Variants in PPP3CA observed in about 807,000 individuals in gnomAD.
The protein encoded by PPP3CA is CAM-PRP catalytic subunit.
Under a neutral mutation model 66.5 loss-of-function variants are expected in PPP3CA, and 14 were observed. That is an observed-to-expected ratio of 0.21 (90% CI 0.14 to 0.33). PPP3CA has a LOEUF of 0.33. PPP3CA is among the 10% of genes least tolerant of loss of function. The pLI, the probability that PPP3CA is intolerant of heterozygous loss-of-function variation, is 1.00. For missense variants in PPP3CA, 317 were observed against 639.5 expected (o/e 0.50, Z 5.44); for synonymous variants, 232 against 226.2 (o/e 1.03, Z -0.23).
chr4:101,238,400 G>GT (rs981328502), intron 1 of PPP3CA, among the ~76,000 whole-genome samples: 12 of 151,336 alleles, frequency 7.9e-5, no homozygotes, highest in African/African-American at 1.7e-4. Flanking sequence ...GAAATAACAG[G>GT]TTTTTTTACA....
At chr4:101,307,336 T>G (rs1383342931) in intron 1 of PPP3CA, among the ~76,000 whole-genome samples, 1 of 152,046 alleles carries the variant, frequency 6.6e-6, no homozygotes, top group Non-Finnish European at 1.5e-5. Context: ...ACAGAATGTG[T>G]TGAAATGAGA....
intron 9 of PPP3CA, 52 bp from the exon 10 acceptor site, chr4:101,061,213 A>C (rs1172215630): frequency 6.8e-7 from 1 of 1,466,196 alleles, no homozygotes; most frequent in Non-Finnish European, 9.5e-7. Flanking sequence ...TTATAACCTT[A>C]ACTATTACTC....
At chr4:101,312,387 G>C (rs1308758813) in intron 1 of PPP3CA, among the ~76,000 whole-genome samples, 3 of 151,724 alleles carry the variant, frequency 2.0e-5, no homozygotes, top group Non-Finnish European at 4.4e-5. Context: ...TGTAACATAA[G>C]ACATATATAG....
At chr4:101,230,822 C>A (rs1294175077) in intron 1 of PPP3CA, among the ~76,000 whole-genome samples, 1 of 151,698 alleles carries the variant, frequency 6.6e-6, no homozygotes, top group Non-Finnish European at 1.5e-5. Context: ...CTACATCATA[C>A]CTCTATCCTG....
At chr4:101,287,702 AG>A (rs1727888550) in intron 1 of PPP3CA, among the ~76,000 whole-genome samples, 1 of 152,134 alleles carries the variant, frequency 6.6e-6, no homozygotes, top group Non-Finnish European at 1.5e-5. Context: ...CTGCCTTCCA[AG>A]GTATACAGAT....
At chr4:101,302,843 T>C (rs1728422912) in intron 1 of PPP3CA, among the ~76,000 whole-genome samples, 1 of 152,236 alleles carries the variant, frequency 6.6e-6, no homozygotes, top group Non-Finnish European at 1.5e-5. Context: ...CTCCAACCTC[T>C]GCCTTTTAAG....
chr4:101,167,787 A>G (rs1578514696), intron 2 of PPP3CA, among the ~76,000 whole-genome samples: 1 of 152,154 alleles, frequency 6.6e-6, no homozygotes, highest in African/African-American at 2.4e-5. Flanking sequence ...GGCTGGCTGG[A>G]AAGGACACAA....
chr4:101,032,181 G>A, intron 12 of PPP3CA, 86 bp downstream of exon 12: 1 of 1,062,830 alleles, frequency 9.4e-7, no homozygotes, highest in Non-Finnish European at 1.3e-6. Flanking sequence ...CCAAGACAGA[G>A]CTTAAATGAA....
intron 2 of PPP3CA, among the ~76,000 whole-genome samples, chr4:101,179,619 C>A (rs1362936451): frequency 1.3e-5 from 2 of 152,078 alleles, no homozygotes; most frequent in Non-Finnish European, 1.5e-5. Context: ...CTCATCACTG[C>A]CATCAAGGTG....
In PPP3CA at chr4:101,025,459, A is replaced by C. The variant is rs1185414024; in HGVS notation, c.*406T>G. The C allele has an allele frequency of 1.9e-5, 3 of 155,064 alleles. No homozygotes were observed. Among genetic ancestry groups the C allele is most frequent in the South Asian group, 2.0e-4 (1 of 4,970 alleles). The allele number at this position is 155,064 out of a possible 1,614,324, so 9.6% of individuals were successfully genotyped here. On this transcript the variant is annotated 3_prime_UTR_variant, in exon 14 of 14. Transcript: ENST00000394854. ...TTAGTGCTGCGACTGTAAACGTACA[A>C]TAGAGTAAGAAATTAGACAAAGTTT...
chr4:101,213,882 T>TA (rs1243004598), intron 1 of PPP3CA, among the ~76,000 whole-genome samples: 2 of 152,102 alleles, frequency 1.3e-5, no homozygotes, highest in African/African-American at 4.8e-5. Context: ...GTTATTTCTC[T>TA]AAAAAATCTA....
chr4:101,063,431 A>G, intron 8 of PPP3CA, 74 bp from the exon 9 acceptor site: 13 of 1,490,656 alleles, frequency 8.7e-6, no homozygotes, highest in Non-Finnish European at 1.2e-5. Context: ...TAGCTCATCA[A>G]GAAAATTCAA....
At chr4:101,301,101 A>G (rs1293622006) in intron 1 of PPP3CA, among the ~76,000 whole-genome samples, 2 of 152,170 alleles carry the variant, frequency 1.3e-5, no homozygotes, top group Non-Finnish European at 2.9e-5. Flanking sequence ...ACACCAAGAC[A>G]GTAAACATGT....
chr4:101,273,240 T>G (rs1231998006), intron 1 of PPP3CA, among the ~76,000 whole-genome samples: 1 of 152,176 alleles, frequency 6.6e-6, no homozygotes, highest in Non-Finnish European at 1.5e-5. Flanking sequence ...CTTAAAGAAT[T>G]AACACATTTT....
At chr4:101,063,826 TTTAC>T (rs1728572775) in intron 8 of PPP3CA, among the ~76,000 whole-genome samples, 1 of 151,944 alleles carries the variant, frequency 6.6e-6, no homozygotes, top group Admixed American at 6.6e-5. Flanking sequence ...TGCTTTAATT[TTTAC>T]TTTATTTTTT....
At chr4:101,066,774 CT>C (rs527685874) in intron 8 of PPP3CA, among the ~76,000 whole-genome samples, 3 of 152,140 alleles carry the variant, frequency 2.0e-5, no homozygotes, top group Non-Finnish European at 2.9e-5. Flanking sequence ...TCCTCCGCCC[CT>C]GCCACCTGCC....
At chr4:101,298,028 T>C (rs1043586558) in intron 1 of PPP3CA, among the ~76,000 whole-genome samples, 6 of 152,204 alleles carry the variant, frequency 3.9e-5, no homozygotes, top group Admixed American at 1.3e-4. Context: ...CCTGGAAAAT[T>C]CTCACGCGGC....
At chr4:101,310,348 A>G (rs1489443956) in intron 1 of PPP3CA, among the ~76,000 whole-genome samples, 1 of 152,228 alleles carries the variant, frequency 6.6e-6, no homozygotes, top group African/African-American at 2.4e-5. Flanking sequence ...GTTTTCAAAA[A>G]GAGTGATACT....
At chr4:101,312,169 ATAAAG>A (rs1301140139) in intron 1 of PPP3CA, among the ~76,000 whole-genome samples, 6 of 152,204 alleles carry the variant, frequency 3.9e-5, no homozygotes, top group Admixed American at 1.3e-4. Flanking sequence ...AAACTGAATA[ATAAAG>A]TAAATATACA....
Sources: allele counts gnomAD v4.1 joint callset (sites outside exome capture counted in the v4.1 genomes callset), GRCh38; gene constraint gnomAD v4.1.1; transcripts MANE v1.5; gene names NCBI Gene and HGNC (gene_info 2026-07-23, HGNC 2026-07-21).